STXBP5L: variants seen among roughly 807,000 people sequenced by gnomAD.
STXBP5L encodes syntaxin binding protein 5L.
In STXBP5L, 65 loss-of-function variants were observed where a neutral mutation model predicts 144.5. The ratio of observed to expected loss-of-function variants is 0.45; its 90% confidence interval spans 0.37 to 0.55. The LOEUF is 0.55. Among genes scored for constraint, STXBP5L ranks in the 20% least tolerant of loss-of-function variants. STXBP5L has a pLI of 0.00. For synonymous variants in STXBP5L, 505 were observed against 469.6 expected (o/e 1.08, Z -0.97); for missense variants, 1,298 against 1,405.5 (o/e 0.92, Z 1.22).
intron 20 of STXBP5L, among the ~76,000 whole-genome samples, chr3:121,350,408 A>C (rs1389037276): frequency 1.3e-5 from 2 of 151,998 alleles, no homozygotes; most frequent in Non-Finnish European, 2.9e-5. Flanking sequence ...CCTTCATTTC[A>C]ACTTTGGTGA....
intron 10 of STXBP5L, among the ~76,000 whole-genome samples, chr3:121,211,919 G>A (rs2048587650): frequency 1.3e-5 from 2 of 152,156 alleles, no homozygotes; most frequent in African/African-American, 2.4e-5. Flanking sequence ...TAACTGGCAT[G>A]AGATTGTATC....
At chr3:120,919,059 A>G (rs1356796649) in intron 2 of STXBP5L, among the ~76,000 whole-genome samples, 1 of 152,160 alleles carries the variant, frequency 6.6e-6, no homozygotes, top group African/African-American at 2.4e-5. Flanking sequence ...TGATGCTACT[A>G]TAGGATAGGC....
At chr3:121,079,743 G>C (rs1181585682) in intron 5 of STXBP5L, among the ~76,000 whole-genome samples, 1 of 152,190 alleles carries the variant, frequency 6.6e-6, no homozygotes, top group African/African-American at 2.4e-5. Flanking sequence ...TTTGTGGCCT[G>C]TCATGGTCTA....
intron 5 of STXBP5L, among the ~76,000 whole-genome samples, chr3:121,068,645 A>C (rs762964196): frequency 2.8e-4 from 42 of 151,406 alleles, no homozygotes; most frequent in Non-Finnish European, 5.5e-4. Flanking sequence ...TCTTTGGATT[A>C]TTTTTTTTGT....
At chr3:121,334,424 C>G (rs776153167) in intron 20 of STXBP5L, among the ~76,000 whole-genome samples, 5 of 150,282 alleles carry the variant, frequency 3.3e-5, no homozygotes, top group African/African-American at 1.2e-4. Flanking sequence ...ATATCAAAAC[C>G]TGGCAGGGAC....
intron 2 of STXBP5L, among the ~76,000 whole-genome samples, chr3:120,916,021 G>A (rs914012916): frequency 7.2e-5 from 11 of 152,038 alleles, no homozygotes; most frequent in African/African-American, 2.7e-4. Context: ...GACATAAACT[G>A]TTCTCAGCCA....
chr3:121,038,352 C>G (rs1328959425), intron 3 of STXBP5L, among the ~76,000 whole-genome samples: 1 of 151,786 alleles, frequency 6.6e-6, no homozygotes, highest in African/African-American at 2.4e-5. Context: ...ATTAAATTAT[C>G]TACTGTTTTT....
At chr3:121,130,710 A>G (rs2044943586) in intron 7 of STXBP5L, among the ~76,000 whole-genome samples, 1 of 152,148 alleles carries the variant, frequency 6.6e-6, no homozygotes, top group Non-Finnish European at 1.5e-5. Flanking sequence ...AGTATACTGT[A>G]TTATGCATTT....
rs563138508 is a variant in STXBP5L, at chr3:121,202,546, C to A, written c.878-3377C>A. Among the ~76,000 whole-genome samples, 17 of 152,176 alleles carry A rather than the reference C, an allele frequency of 1.1e-4. No homozygotes were observed. In the South Asian group the frequency reaches 3.5e-3, roughly 32 times the overall value. On this transcript the variant is annotated intron_variant, in intron 9 of 26. Coordinates refer to ENST00000471454, the MANE Select transcript of STXBP5L (RefSeq NM_001308330.2). ...TACTTGCTGGGTCACTTTCTTTCAG[C>A]CTGAAGGACTTTTTTTAGTATTTTT...
chr3:121,148,657 T>G (rs184687687), intron 7 of STXBP5L, among the ~76,000 whole-genome samples: 11 of 152,222 alleles, frequency 7.2e-5, no homozygotes, highest in Non-Finnish European at 1.6e-4. Context: ...ATGGAACTCA[T>G]ATACATTTTG....
At chr3:121,047,627 G>T (rs527424106) in intron 5 of STXBP5L, among the ~76,000 whole-genome samples, 8 of 152,052 alleles carry the variant, frequency 5.3e-5, no homozygotes, top group Admixed American at 2.0e-4. Context: ...TGTCTTTTTT[G>T]ATCTTTGTTA....
chr3:121,021,436 A>C (rs1441464059), intron 3 of STXBP5L, among the ~76,000 whole-genome samples: 1 of 152,180 alleles, frequency 6.6e-6, no homozygotes, highest in Admixed American at 6.5e-5. Flanking sequence ...TATTTACAGA[A>C]CATTCTACCC....
intron 5 of STXBP5L, among the ~76,000 whole-genome samples, chr3:121,106,732 G>T (rs1179288415): frequency 6.6e-6 from 1 of 152,130 alleles, no homozygotes; most frequent in Non-Finnish European, 1.5e-5. Flanking sequence ...ATGATAGAAT[G>T]ATTTATATTC....
chr3:121,375,021 GGT>G (rs2046142942), intron 20 of STXBP5L, among the ~76,000 whole-genome samples: 1 of 102,298 alleles, frequency 9.8e-6, no homozygotes, highest in Non-Finnish European at 2.3e-5. Flanking sequence ...AGGGTGGGAG[GGT>G]GGGAGGGTGG....
In STXBP5L at chr3:120,955,062, T is replaced by C. The variant is rs762165897; in HGVS notation, c.287+25T>C. ...TGTATCCTTAAATTTTGGTTCATTA[T>C]CTGCCACAGTAATGCCAATTACATT... On this transcript the variant is annotated intron_variant, in intron 3 of 26. Coordinates refer to ENST00000471454, the MANE Select transcript of STXBP5L (RefSeq NM_001308330.2). The C allele has an allele frequency of 2.7e-6, 4 of 1,498,236 alleles. No individual in the cohort carries two copies. The African/African-American group carries it at 4.1e-5, about 16-fold the overall frequency. 92.8% of individuals were successfully genotyped at this position (1,498,236 alleles called of 1,614,324 possible).
intron 23 of STXBP5L, among the ~76,000 whole-genome samples, chr3:121,412,727 CAAAAAAAAAAAAAAAA>C (rs35247157): frequency 1.3e-4 from 9 of 69,592 alleles, no homozygotes; most frequent in African/African-American, 4.8e-4. Flanking sequence ...TTTCTCCCTC[CAAAAAAAAAAAAAAAA>C]AAAAAACAAA....
In STXBP5L at chr3:121,157,643, T is replaced by C; in HGVS notation, c.877+16T>C. The stretch of plus-strand genomic sequence containing the variant: ...ATTCCACATGGTAAGATGTATGCTT[T>C]CAAAAGGAATAAACACTGGCAATTC... On this transcript the variant is annotated intron_variant, in intron 9 of 26. Transcript: ENST00000471454. 6.3e-7 allele frequency: 1 copy of C among 1,590,812 alleles called. No homozygotes were observed. Among genetic ancestry groups the C allele is most frequent in the South Asian group, 1.2e-5 (1 of 86,574 alleles).
chr3:121,405,708 T>C (rs1357521191), intron 22 of STXBP5L, among the ~76,000 whole-genome samples: 1 of 152,140 alleles, frequency 6.6e-6, no homozygotes, highest in Non-Finnish European at 1.5e-5. Flanking sequence ...TTTTTTCCAG[T>C]TGGAAAAGAT....
At chr3:121,157,731 C>A in intron 9 of STXBP5L, 104 bp downstream of exon 9, 1 of 1,446,608 alleles carries the variant, frequency 6.9e-7, no homozygotes, top group Non-Finnish European at 9.2e-7. Flanking sequence ...AGTAATAGGA[C>A]ATAGCTTCTG....
Sources: gnomAD v4.1 joint callset for allele counts (sites outside exome capture counted in the v4.1 genomes callset) on GRCh38, gnomAD v4.1.1 for gene constraint, MANE v1.5 for transcripts, NCBI Gene and HGNC (gene_info 2026-07-23, HGNC 2026-07-21) for gene names.